MAP3K4: variants seen among roughly 807,000 people sequenced by gnomAD.
MAP3K4 encodes MAP three kinase 1.
MAP3K4 carries 67 observed loss-of-function variants against 185.6 expected under a neutral mutation model. That is an observed-to-expected ratio of 0.36 (90% CI 0.30 to 0.44). The LOEUF (loss-of-function observed/expected upper bound fraction) is 0.44, where lower values mean the gene tolerates loss of function less well. MAP3K4 is among the 20% of genes least tolerant of loss of function. MAP3K4 has a pLI of 1.00. For synonymous variants in MAP3K4, 702 were observed against 710.4 expected, an observed-to-expected ratio of 0.99 and a Z score of 0.19; for missense variants, 1,551 against 1,995.1, an observed-to-expected ratio of 0.78 and a Z score of 4.24.
chr6:161,111,044 T>G (rs924294716), intron 23 of MAP3K4, among the ~76,000 whole-genome samples: 1 of 152,212 alleles, frequency 6.6e-6, no homozygotes, highest in African/African-American at 2.4e-5. Context: ...AAGGTACAGA[T>G]GTACAGTCGC....
chr6:161,032,835 T>C (rs888290664), intron 1 of MAP3K4, among the ~76,000 whole-genome samples: 1 of 152,212 alleles, frequency 6.6e-6, no homozygotes, highest in African/African-American at 2.4e-5. Context: ...GCACATGGTT[T>C]GAAGTTAGCT....
rs1562537572 is a variant in MAP3K4, at chr6:161,097,065, C to T, written c.3428-15C>T. On this transcript the variant is annotated splice_polypyrimidine_tract_variant and intron_variant, in intron 15 of 26. Coordinates refer to ENST00000392142, the MANE Select transcript of MAP3K4 (RefSeq NM_005922.4). This position sits in a 1 kb window ranked among gnomAD's most constrained non-coding sequence, Gnocchi z 4.9. ...CATATTAACAAGTTGCATTTGTTGC[C>T]ATTTTTGCTGGCAGCCATTCATCGG... The T allele has an allele frequency of 1.2e-6, 2 of 1,610,780 alleles. No homozygotes were observed. Among genetic ancestry groups the T allele is most frequent in the South Asian group, 2.2e-5 (2 of 90,894 alleles).
At chr6:161,026,951 G>T in intron 1 of MAP3K4, among the ~76,000 whole-genome samples, 1 of 151,700 alleles carries the variant, frequency 6.6e-6, no homozygotes, top group East Asian at 1.9e-4. Flanking sequence ...GGGCTAATTC[G>T]TCTCTTTATA....
chr6:161,101,924 C>T lies in MAP3K4; in HGVS notation c.3707C>T (p.Ala1236Val), dbSNP rs150975716. 89 of 1,613,940 alleles carry T rather than the reference C, an allele frequency of 5.5e-5. No homozygotes were observed. Among genetic ancestry groups the T allele is most frequent in the Non-Finnish European group, 7.5e-5 (88 of 1,179,968 alleles). Residue 1236 changes from alanine to valine, a missense_variant, in exon 18 of 27, where the codon GCT becomes GTT. Ala to Val is a moderately conservative substitution (Grantham distance 64). This residue lies in a region of MAP3K4 where 272 missense variants were observed against 301.2 expected (regional missense o/e 0.90). Transcript: ENST00000392142. This position sits in a 1 kb window ranked among gnomAD's most constrained non-coding sequence, Gnocchi z 5.1. ...AGCGTTCCTGAAAATGATCGATTGG[C>T]TTCCATAGCTGCTGAATTGCAGTTT... ...GSSVPENDRL[A>V]SIAAELQFRS...
intron 3 of MAP3K4, among the ~76,000 whole-genome samples, chr6:161,069,676 C>T (rs1784852070): frequency 6.6e-6 from 1 of 152,062 alleles, no homozygotes; most frequent in African/African-American, 2.4e-5. Context: ...TGGGGACGGT[C>T]CTTTTAGTAT....
In MAP3K4 at chr6:161,110,910, C is replaced by T. The variant is rs778059496; in HGVS notation, c.4397-926C>T. Among the ~76,000 whole-genome samples, 1 of 152,228 alleles carries T rather than the reference C, an allele frequency of 6.6e-6. No individual in the cohort carries two copies. Among genetic ancestry groups the T allele is most frequent in the Non-Finnish European group, 1.5e-5 (1 of 68,044 alleles). ...CTGCCACAGACACCATCCTCAGTCTCTGTCCACTGTCACAAAATGGTGTTT... is the reference window on the plus strand; with the variant it reads ...CTGCCACAGACACCATCCTCAGTCTTTGTCCACTGTCACAAAATGGTGTTT... On this transcript the variant is annotated intron_variant, in intron 23 of 26. Coordinates refer to ENST00000392142, the MANE Select transcript of MAP3K4 (RefSeq NM_005922.4). The surrounding 1 kb of genome is among the most constrained non-coding windows in gnomAD (Gnocchi z 4.8).
rs1161582464 is a variant in MAP3K4 at position 160,991,783 on chromosome 6, C to G, written c.-149C>G. On this transcript the variant is annotated 5_prime_UTR_variant, in exon 1 of 27. Transcript: ENST00000392142. The surrounding 1 kb of genome is among the most constrained non-coding windows in gnomAD (Gnocchi z 5.7). ...GTAGCCCCGGCGCTCGGCCGGTCGC[C>G]GTTTCCAAGATGGCCGCGGCGCGCA... The G allele has an allele frequency of 1.1e-6, 1 of 890,340 alleles. No homozygotes were observed. Among genetic ancestry groups the G allele is most frequent in the Non-Finnish European group, 1.5e-6 (1 of 647,278 alleles). The allele number at this position is 890,340 out of a possible 1,614,324, so 55.2% of individuals were successfully genotyped here.
At chr6:161,065,360 C>T (rs1438102081) in intron 3 of MAP3K4, among the ~76,000 whole-genome samples, 2 of 152,196 alleles carry the variant, frequency 1.3e-5, no homozygotes, top group Non-Finnish European at 2.9e-5. Context: ...GTGTTTGATG[C>T]TGTGCTCTTC....
intron 2 of MAP3K4, among the ~76,000 whole-genome samples, chr6:161,038,464 G>A (rs1340785881): frequency 6.6e-6 from 1 of 152,222 alleles, no homozygotes; most frequent in Non-Finnish European, 1.5e-5. Flanking sequence ...CCAAGGAAAT[G>A]TGAACTGTTA....
chr6:161,034,885 C>T lies in MAP3K4; in HGVS notation c.343+436C>T, dbSNP rs1262697404. Among the ~76,000 whole-genome samples, 1 of 152,110 alleles carries T rather than the reference C, an allele frequency of 6.6e-6. No homozygotes were observed. The highest frequency in any genetic ancestry group is 1.5e-5 in the Non-Finnish European group (1 of 68,030). On this transcript the variant is annotated intron_variant, in intron 2 of 26. Transcript: ENST00000392142. This position sits in a 1 kb window ranked among gnomAD's most constrained non-coding sequence, Gnocchi z 4.4. The stretch of plus-strand genomic sequence containing the variant: ...GATTCCCTCTGCTCTCTGCTGGTGC[C>T]CCGGGGTGCTATCTTTAGTGTGTAG...
In MAP3K4 at chr6:161,026,994, T is replaced by G. The variant is rs191303515; in HGVS notation, c.153-7265T>G. On this transcript the variant is annotated intron_variant, in intron 1 of 26. Transcript: ENST00000392142. ...GTTTTCTATCTTTATGCATTCTTTT[T>G]TGTTTTATTTAGTTCAGGACCGATA... Among the ~76,000 whole-genome samples, 7 of 152,320 alleles carry G rather than the reference T, an allele frequency of 4.6e-5. No individual in the cohort carries two copies. In the East Asian group the frequency reaches 9.6e-4, roughly 21 times the overall value.
Position 161,008,393 on chromosome 6 carries a change from T to G in MAP3K4, c.152+16310T>G, listed in dbSNP as rs929084891. 1.4e-4 allele frequency among the ~76,000 whole-genome samples: 21 copies of G among 151,996 alleles called. No individual in the cohort carries two copies. Among genetic ancestry groups the G allele is most frequent in the African/African-American group, 5.1e-4 (21 of 41,410 alleles). ...TGGAAATATAATTACTATACCAAAG[T>G]GTGTGTGTGTGTAAATATATGTAAA... On this transcript the variant is annotated intron_variant, in intron 1 of 26. Coordinates refer to ENST00000392142, the MANE Select transcript of MAP3K4 (RefSeq NM_005922.4). The surrounding 1 kb of genome is among the most constrained non-coding windows in gnomAD (Gnocchi z 4.1).
chr6:161,084,591 T>C lies in MAP3K4; in HGVS notation c.2346T>C (p.Asp782=), dbSNP rs369188028. The C allele has an allele frequency of 3.1e-6, 5 of 1,608,858 alleles. No homozygotes were observed. The highest frequency in any genetic ancestry group is 1.1e-5 in the South Asian group (1 of 90,980). ...ESCAEFWTSA[D]DSSASDEIRR... ...GTGCTGAATTTTGGACTAGTGCGGA[T>C]GACAGCAGTGCTTCCGACGAAATCA... is the stretch of plus-strand genomic sequence containing the variant. The change falls in exon 7 of 27, where the codon GAT becomes GAC. Residue 782 remains aspartate, a synonymous_variant. Transcript: ENST00000392142. The surrounding 1 kb of genome is among the most constrained non-coding windows in gnomAD (Gnocchi z 4.6).
chr6:161,024,388 A>C (rs574221519), intron 1 of MAP3K4, among the ~76,000 whole-genome samples: 2 of 151,892 alleles, frequency 1.3e-5, no homozygotes, highest in Non-Finnish European at 2.9e-5. Context: ...TGTCACGACT[A>C]ATGAACCAAT....
rs187788794 is a variant in MAP3K4, at chr6:161,080,394, T to C, written c.2098-487T>C. On this transcript the variant is annotated intron_variant, in intron 5 of 26. Transcript: ENST00000392142. This position sits in a 1 kb window ranked among gnomAD's most constrained non-coding sequence, Gnocchi z 4.8. ...TTGGTTTTAGATCATCATTTATATG[T>C]TGCAAGCCTTGAAAACATTTTATCA... Among the ~76,000 whole-genome samples, 7 of 152,320 alleles carry C rather than the reference T, an allele frequency of 4.6e-5. No individual in the cohort carries two copies. Among genetic ancestry groups the C allele is most frequent in the Middle Eastern group, 3.4e-3 (1 of 294 alleles).
At chr6:161,044,937 C>G (rs1280040990) in intron 2 of MAP3K4, among the ~76,000 whole-genome samples, 1 of 152,104 alleles carries the variant, frequency 6.6e-6, no homozygotes, top group Non-Finnish European at 1.5e-5. Context: ...CCCCCATGAC[C>G]CAGACATCTC....
intron 1 of MAP3K4, among the ~76,000 whole-genome samples, chr6:161,002,472 TAATC>T (rs933230778): frequency 2.0e-5 from 3 of 152,106 alleles, no homozygotes; most frequent in Admixed American, 2.0e-4. Flanking sequence ...AAAAGTAACT[TAATC>T]AGTTAGAAAT....
At position 161,093,025 on chromosome 6, in the gene MAP3K4, T is replaced by G. The variant is rs771185174; in HGVS notation, c.3317T>G (p.Phe1106Cys). The change falls in exon 14 of 27, where the codon TTT (phenylalanine) becomes TGT (cysteine). Residue 1106 changes from phenylalanine (F) to cysteine (C), a missense_variant. Coordinates refer to ENST00000392142, the MANE Select transcript of MAP3K4 (RefSeq NM_005922.4). The surrounding 1 kb of genome is among the most constrained non-coding windows in gnomAD (Gnocchi z 5.2). The stretch of plus-strand genomic sequence containing the variant: ...TTTCTACAAGCAATTGAACCTGCCT[T>G]TATTTCAGCTTTACCAGAAGATGAC... ...FDFLQAIEPA[F>C]ISALPEDDFL... is the part of the protein sequence containing the mutation. 1 of 1,613,654 alleles carries G rather than the reference T, an allele frequency of 6.2e-7. No homozygotes were observed. The highest frequency in any genetic ancestry group is 2.2e-5 in the East Asian group (1 of 44,820).
rs1778269346 is a variant in MAP3K4 at position 161,109,921 on chromosome 6, C to A, written c.4396+7C>A. On this transcript the variant is annotated splice_region_variant and intron_variant, in intron 23 of 26. Transcript: ENST00000392142. The surrounding 1 kb of genome is among the most constrained non-coding windows in gnomAD (Gnocchi z 5.7). Reference sequence around the variant, plus strand: ...GTCCACCGTGACATTAAAGGTAATCCCACACCCGCCTGGCTGCTGTGGGCC... The same window carrying A: ...GTCCACCGTGACATTAAAGGTAATCACACACCCGCCTGGCTGCTGTGGGCC... 2 of 1,613,284 alleles carry A rather than the reference C, an allele frequency of 1.2e-6. No homozygotes were observed. Among genetic ancestry groups the A allele is most frequent in the East Asian group, 4.5e-5 (2 of 44,870 alleles).
Sources: allele counts gnomAD v4.1 joint callset (sites outside exome capture counted in the v4.1 genomes callset), GRCh38; gene constraint gnomAD v4.1.1; regional missense constraint gnomAD v4.1.1; non-coding constraint Gnocchi (gnomAD v3.1); transcripts MANE v1.5; gene names NCBI Gene and HGNC (gene_info 2026-07-23, HGNC 2026-07-21).